Variants in LRFN5 observed in about 807,000 individuals in gnomAD.
LRFN5 encodes the protein leucine rich repeat and fibronectin type III domain containing 5.
LRFN5 carries 24 observed loss-of-function variants against 45.6 expected under a neutral mutation model. That is an observed-to-expected ratio of 0.53 (90% confidence interval 0.38 to 0.74). The LOEUF (loss-of-function observed/expected upper bound fraction) is 0.74. Among genes scored for constraint, LRFN5 ranks in the 30% least tolerant of loss-of-function variants. The pLI, the probability that LRFN5 is intolerant of heterozygous loss-of-function variation, is 0.00. For synonymous variants in LRFN5, 340 were observed against 313.8 expected, an observed-to-expected ratio of 1.08 and a Z score of -0.88; for missense variants, 776 against 861.5, an observed-to-expected ratio of 0.90 and a Z score of 1.24.
chr14:41,893,678 A>G, intron 4 of LRFN5: 1 of 985,388 alleles, frequency 1.0e-6, no homozygotes. Context: ...ATCTTCTGAT[A>G]CACAATGTAT....
chr14:41,695,261 C>T (rs554304252), intron 1 of LRFN5, among the ~76,000 whole-genome samples: 3 of 151,856 alleles, frequency 2.0e-5, no homozygotes, highest in Non-Finnish European at 4.4e-5. Flanking sequence ...GAGATTTGTT[C>T]ATGAGACTTA....
chr14:41,892,117 G>T, intron 4 of LRFN5, 155 bp downstream of exon 4: 1 of 985,360 alleles, frequency 1.0e-6, no homozygotes. Context: ...TGTTTATTCA[G>T]TCTGACTGTT....
chr14:41,643,616 A>G (rs549531500), intron 1 of LRFN5, among the ~76,000 whole-genome samples: 24 of 152,164 alleles, frequency 1.6e-4, no homozygotes, highest in Admixed American at 1.6e-3. Context: ...CAAATTCGAT[A>G]ACATCATTTC....
chr14:41,682,439 C>A lies in LRFN5; in HGVS notation c.-197+73877C>A, dbSNP rs149139308. Among the ~76,000 whole-genome samples the A allele has an allele frequency of 1.0e-3, 154 of 151,390 alleles. 1 individual carries two copies. The highest frequency in any genetic ancestry group is 2.9e-3 in the African/African-American group (120 of 41,276). On this transcript the variant is annotated intron_variant, in intron 1 of 5. Transcript: ENST00000298119. ...AAAAACTAGAAAAACAAAAGCAAAGCAAAGCCAAAATTAGTAGAAAAATGA... is the reference window on the plus strand; with the variant it reads ...AAAAACTAGAAAAACAAAAGCAAAGAAAAGCCAAAATTAGTAGAAAAATGA...
At chr14:41,729,391 A>G (rs1224157371) in intron 1 of LRFN5, among the ~76,000 whole-genome samples, 4 of 152,136 alleles carry the variant, frequency 2.6e-5, no homozygotes, top group Non-Finnish European at 5.9e-5. Context: ...AGCCTGCAAT[A>G]GAAGCAGATG....
intron 2 of LRFN5, among the ~76,000 whole-genome samples, chr14:41,781,547 GAGAA>G: frequency 7.7e-6 from 1 of 129,172 alleles, no homozygotes; most frequent in African/African-American, 2.8e-5. Flanking sequence ...AGGAAGGAAG[GAGAA>G]AAGAAAGAGA....
intron 2 of LRFN5, among the ~76,000 whole-genome samples, chr14:41,865,171 T>G (rs1889795883): frequency 6.6e-6 from 1 of 152,072 alleles, no homozygotes; most frequent in Non-Finnish European, 1.5e-5. Flanking sequence ...ATTACCATAA[T>G]CACATTTAAG....
chr14:41,721,554 G>T (rs961787570), intron 1 of LRFN5, among the ~76,000 whole-genome samples: 1 of 152,028 alleles, frequency 6.6e-6, no homozygotes, highest in Non-Finnish European at 1.5e-5. Context: ...TCTTCTTTAA[G>T]GCTGATATAG....
At chr14:41,849,356 T>C (rs1889183399) in intron 2 of LRFN5, among the ~76,000 whole-genome samples, 1 of 152,004 alleles carries the variant, frequency 6.6e-6, no homozygotes, top group Non-Finnish European at 1.5e-5. Flanking sequence ...TGGTGAAATT[T>C]TGAATCCAAA....
chr14:41,670,209 G>GTGTGTGTGTGGA (rs199686053), intron 1 of LRFN5, among the ~76,000 whole-genome samples: 1 of 130,794 alleles, frequency 7.6e-6, no homozygotes, highest in Admixed American at 7.8e-5. Context: ...TTCTCTGTGT[G>GTGTGTGTGTGGA]TGTGTGTATA....
chr14:41,888,529 G>T (rs1459288617), intron 3 of LRFN5, among the ~76,000 whole-genome samples: 1 of 152,110 alleles, frequency 6.6e-6, no homozygotes, highest in Admixed American at 6.5e-5. Context: ...GTCAAGTCTT[G>T]TGAATAAGGT....
At chr14:41,835,678 G>A (rs534623680) in intron 2 of LRFN5, among the ~76,000 whole-genome samples, 4 of 152,094 alleles carry the variant, frequency 2.6e-5, no homozygotes, top group African/African-American at 7.2e-5. Context: ...GTAAACCACG[G>A]TCACGCTACT....
At chr14:41,723,689 AG>A (rs1213494171) in intron 1 of LRFN5, among the ~76,000 whole-genome samples, 4 of 152,102 alleles carry the variant, frequency 2.6e-5, no homozygotes, top group Admixed American at 2.6e-4. Flanking sequence ...CCAGAGCTGC[AG>A]CAGCTCTTCT....
intron 2 of LRFN5, among the ~76,000 whole-genome samples, chr14:41,832,921 G>A (rs1312192812): frequency 2.0e-5 from 3 of 152,112 alleles, no homozygotes; most frequent in Admixed American, 1.3e-4. Context: ...TTGTGGGAAG[G>A]GAAGTCAAAT....
At chr14:41,617,710 T>C (rs1887973377) in intron 1 of LRFN5, among the ~76,000 whole-genome samples, 1 of 152,194 alleles carries the variant, frequency 6.6e-6, no homozygotes, top group South Asian at 2.1e-4. Context: ...AACTTTTTGA[T>C]AAAATAGTGT....
In LRFN5 at chr14:41,820,722, TAAC is replaced by T. The variant is rs1888084831; in HGVS notation, c.-21+53696_-21+53698del. ...ATTGCTTTGGTTAGCATATTCATCTTAACAATACTGATTCTTCCATTCCATGAT... is the reference window on the plus strand; with the variant it reads ...ATTGCTTTGGTTAGCATATTCATCTTAATACTGATTCTTCCATTCCATGAT... On this transcript the variant is annotated intron_variant, in intron 2 of 5. Transcript: ENST00000298119. 3.3e-5 allele frequency among the ~76,000 whole-genome samples: 5 copies of T among 152,168 alleles called. No homozygotes were observed. The South Asian group carries it at 1.0e-3, about 32-fold the overall frequency.
chr14:41,820,552 C>A (rs1284320260), intron 2 of LRFN5, among the ~76,000 whole-genome samples: 3 of 152,006 alleles, frequency 2.0e-5, no homozygotes, highest in African/African-American at 7.2e-5. Context: ...CATCATGCCC[C>A]CAGCTTTGCT....
chr14:41,732,117 T>C (rs1884204991), intron 1 of LRFN5, among the ~76,000 whole-genome samples: 2 of 152,196 alleles, frequency 1.3e-5, no homozygotes, highest in African/African-American at 2.4e-5. Flanking sequence ...ATTTTGATCT[T>C]CCACTTCAGC....
intron 2 of LRFN5, among the ~76,000 whole-genome samples, chr14:41,876,095 G>T (rs1890175099): frequency 6.6e-6 from 1 of 152,002 alleles, no homozygotes; most frequent in African/African-American, 2.4e-5. Context: ...CCCCGACTAT[G>T]TCAATTACTA....
Sources: gnomAD v4.1 joint callset for allele counts (sites outside exome capture counted in the v4.1 genomes callset) on GRCh38, gnomAD v4.1.1 for gene constraint, MANE v1.5 for transcripts, NCBI Gene and HGNC (gene_info 2026-07-23, HGNC 2026-07-21) for gene names.